The following TENM4 variants were observed in gnomAD, a reference collection of about 807,000 sequenced individuals.
The protein encoded by TENM4 is teneurin transmembrane protein 4.
Under a neutral mutation model 243.3 loss-of-function variants are expected in TENM4, and 82 were observed. The observed-to-expected ratio is 0.34, with a 90% CI of 0.28 to 0.40. The LOEUF is 0.40. TENM4 is among the 10% of genes least tolerant of loss of function. The pLI, the probability that TENM4 is intolerant of heterozygous loss-of-function variation, is 1.00. For missense variants in TENM4, 3,138 were observed against 3,673.3 expected, an observed-to-expected ratio of 0.85 and a Z score of 3.77; for synonymous variants, 1,412 against 1,456.3, an observed-to-expected ratio of 0.97 and a Z score of 0.69.
intron 2 of TENM4, among the ~76,000 whole-genome samples, chr11:79,227,780 G>A (rs1864300308): frequency 6.6e-6 from 1 of 152,180 alleles, no homozygotes; most frequent in Admixed American, 6.5e-5. Context: ...ACTTCAGAAA[G>A]CTTGGTCAGG....
chr11:79,185,947 G>T (rs1863372948), intron 3 of TENM4, among the ~76,000 whole-genome samples: 1 of 152,184 alleles, frequency 6.6e-6, no homozygotes, highest in African/African-American at 2.4e-5. Context: ...CAGGGACAGA[G>T]TGTGGCATTT....
chr11:79,298,249 T>C (rs569786722), intron 1 of TENM4, among the ~76,000 whole-genome samples: 54 of 152,000 alleles, frequency 3.6e-4, no homozygotes, highest in Non-Finnish European at 6.6e-4. Context: ...TTACCTCATA[T>C]GAAAAACAGG....
chr11:79,013,529 C>A (rs1197763089), intron 6 of TENM4, among the ~76,000 whole-genome samples: 2 of 152,186 alleles, frequency 1.3e-5, no homozygotes, highest in African/African-American at 4.8e-5. Context: ...CCTGGCGCAG[C>A]CCAGCAGCCC....
chr11:79,138,454 A>G (rs1190061367), intron 4 of TENM4, among the ~76,000 whole-genome samples: 1 of 115,332 alleles, frequency 8.7e-6, no homozygotes, highest in African/African-American at 3.6e-5. Flanking sequence ...ATTTATATAT[A>G]ATATATTTTA....
intron 23 of TENM4, 74 bp downstream of exon 23, chr11:78,726,004 GT>G: frequency 6.4e-7 from 1 of 1,562,444 alleles, no homozygotes; most frequent in Non-Finnish European, 8.7e-7. Flanking sequence ...TGAATTTTTT[GT>G]TTGGCAGGGC....
intron 10 of TENM4, among the ~76,000 whole-genome samples, chr11:78,861,255 T>C (rs979018292): frequency 2.6e-5 from 4 of 152,238 alleles, no homozygotes; most frequent in Admixed American, 6.5e-5. Context: ...CATGATTCTA[T>C]TGCTATTTTC....
intron 20 of TENM4, among the ~76,000 whole-genome samples, chr11:78,737,669 T>C (rs1855831238): frequency 6.6e-6 from 1 of 152,216 alleles, no homozygotes. Context: ...CCTTTTTTCC[T>C]TTTCTCCAAA....
intron 3 of TENM4, among the ~76,000 whole-genome samples, chr11:79,162,415 T>C (rs10899598): frequency 0.25 from 38,736 of 152,042 alleles, 5,151 homozygotes; most frequent in East Asian, 0.35. Flanking sequence ...AAATACTAAA[T>C]AAGTATTAAT....
intron 6 of TENM4, among the ~76,000 whole-genome samples, chr11:79,002,972 A>G (rs1476566155): frequency 6.6e-6 from 1 of 152,160 alleles, no homozygotes; most frequent in Non-Finnish European, 1.5e-5. Flanking sequence ...GATAGAGCTG[A>G]TCTGATACAG....
At chr11:79,268,290 A>G (rs1275288382) in intron 2 of TENM4, among the ~76,000 whole-genome samples, 9 of 152,344 alleles carry the variant, frequency 5.9e-5, no homozygotes, top group East Asian at 3.9e-4. Context: ...AAGCAGCTAC[A>G]TAGACAATAT....
chr11:78,779,617 T>C (rs533913540), intron 16 of TENM4, among the ~76,000 whole-genome samples: 1 of 152,344 alleles, frequency 6.6e-6, no homozygotes, highest in African/African-American at 2.4e-5. Flanking sequence ...GCTGTAGTTA[T>C]AGCTCTTTGA....
intron 28 of TENM4, among the ~76,000 whole-genome samples, chr11:78,695,626 G>C (rs997956232): frequency 4.6e-5 from 7 of 151,748 alleles, no homozygotes; most frequent in Non-Finnish European, 8.8e-5. Context: ...GCCTCCCAAA[G>C]TGCTGGGATT....
At chr11:78,845,621 G>A (rs1430065519) in intron 12 of TENM4, among the ~76,000 whole-genome samples, 1 of 152,144 alleles carries the variant, frequency 6.6e-6, no homozygotes, top group Non-Finnish European at 1.5e-5. Flanking sequence ...CGAACAGGCG[G>A]CCTCACATTT....
rs3841754 is a variant in TENM4 at position 78,668,886 on chromosome 11, TAGTAAGAGC to T, written c.7408+42_7408+50del. ...TCAAAGAAGACTAAGTATTGTTAGG[TAGTAAGAGC>T]ACTTTATGGGGTCCTGCCCCTGAGT... On this transcript the variant is annotated intron_variant, in intron 32 of 33. Transcript: ENST00000278550. 14,937 of 1,553,788 alleles carry T rather than the reference TAGTAAGAGC, an allele frequency of 9.6e-3. 745 individuals carry two copies. In the East Asian group the frequency reaches 0.18, roughly 19 times the overall value.
intron 5 of TENM4, among the ~76,000 whole-genome samples, chr11:79,066,560 A>G (rs765143877): frequency 6.6e-6 from 1 of 152,208 alleles, no homozygotes; most frequent in Non-Finnish European, 1.5e-5. Flanking sequence ...GCAGACACAC[A>G]CAGACGTGCA....
At chr11:79,372,882 G>C (rs1857814834) in intron 1 of TENM4, among the ~76,000 whole-genome samples, 1 of 152,140 alleles carries the variant, frequency 6.6e-6, no homozygotes, top group Non-Finnish European at 1.5e-5. Context: ...ACTTGGACAA[G>C]GTGACTTGGG....
chr11:78,998,863 G>A (rs1339183273), intron 6 of TENM4, among the ~76,000 whole-genome samples: 1 of 152,170 alleles, frequency 6.6e-6, no homozygotes, highest in Non-Finnish European at 1.5e-5. Flanking sequence ...AGTCCAGAGA[G>A]GTTCCAGACC....
intron 1 of TENM4, among the ~76,000 whole-genome samples, chr11:79,398,600 T>G (rs1472747189): frequency 2.0e-5 from 3 of 152,132 alleles, no homozygotes; most frequent in Non-Finnish European, 4.4e-5. Flanking sequence ...GTTTTAGTCC[T>G]ACCTGGGTTA....
chr11:78,872,703 T>A (rs1316463351), intron 9 of TENM4, among the ~76,000 whole-genome samples: 1 of 152,192 alleles, frequency 6.6e-6, no homozygotes, highest in African/African-American at 2.4e-5. Flanking sequence ...GCTTGGGAGC[T>A]CACACAAGGA....
Sources: allele counts gnomAD v4.1 joint callset (sites outside exome capture counted in the v4.1 genomes callset), GRCh38; gene constraint gnomAD v4.1.1; transcripts MANE v1.5; gene names NCBI Gene and HGNC (gene_info 2026-07-23, HGNC 2026-07-21).